The following ESRRG variants were observed in gnomAD, a reference collection of about 807,000 sequenced individuals.
The protein encoded by ESRRG is estrogen related receptor gamma.
ESRRG carries 13 observed loss-of-function variants against 44.0 expected under a neutral mutation model. That is an observed-to-expected ratio of 0.30 (90% CI 0.19 to 0.47). The LOEUF (loss-of-function observed/expected upper bound fraction) is 0.47. Among genes scored for constraint, ESRRG ranks in the 20% least tolerant of loss-of-function variants. The pLI is 1.00. For missense variants in ESRRG, 395 were observed against 580.6 expected (o/e 0.68, Z 3.29); for synonymous variants, 215 against 214.6 (o/e 1.00, Z -0.02).
chr1:217,088,885 G>A (rs1056953549), intron 1 of ESRRG, among the ~76,000 whole-genome samples: 1 of 152,060 alleles, frequency 6.6e-6, no homozygotes, highest in Non-Finnish European at 1.5e-5. Flanking sequence ...GGTAGAAGGA[G>A]GTAGATGGTT....
rs1232707312 is a variant in ESRRG, at chr1:216,835,356, G to A, written c.-14+104226C>T. Among the ~76,000 whole-genome samples, 6 of 152,196 alleles carry A rather than the reference G, an allele frequency of 3.9e-5. No individual in the cohort carries two copies. The East Asian group carries it at 1.2e-3, about 29-fold the overall frequency. On this transcript the variant is annotated intron_variant, in intron 2 of 7. Coordinates refer to the ESRRG transcript ENST00000359162. Reference sequence around the variant, plus strand: ...GGAGTGACGTACGGAAATCGGAAGTGAGGTACAGAAACATCTGGACTGGTT... The same window carrying A: ...GGAGTGACGTACGGAAATCGGAAGTAAGGTACAGAAACATCTGGACTGGTT...
intron 1 of ESRRG, among the ~76,000 whole-genome samples, chr1:216,972,182 A>C (rs1455949874): frequency 6.6e-6 from 1 of 152,156 alleles, no homozygotes; most frequent in East Asian, 1.9e-4. Context: ...GATATGCTAA[A>C]ATTATGCCGG....
intron 5 of ESRRG, among the ~76,000 whole-genome samples, chr1:216,553,367 T>C (rs894696404): frequency 1.3e-5 from 2 of 152,180 alleles, no homozygotes; most frequent in Non-Finnish European, 2.9e-5. Context: ...TGGTATTTAA[T>C]TGGGCTCAGA....
chr1:217,102,937 T>C (rs924504516), intron 1 of ESRRG, among the ~76,000 whole-genome samples: 8 of 151,804 alleles, frequency 5.3e-5, no homozygotes, highest in Non-Finnish European at 1.0e-4. Flanking sequence ...AGGCAGCTGA[T>C]GGGGGAGAGA....
rs530341898 is a variant in ESRRG, at chr1:216,973,771, A to T, written c.-105-34098T>A. The stretch of plus-strand genomic sequence containing the variant: ...AACCTGGGAGGCAGAGGTTGCGGTG[A>T]GCTGAGATAGTGCCATTGCACTCCA... On this transcript the variant is annotated intron_variant, in intron 1 of 7. Coordinates refer to the ESRRG transcript ENST00000359162. Among the ~76,000 whole-genome samples, 93 of 150,976 alleles carry T rather than the reference A, an allele frequency of 6.2e-4. No individual in the cohort carries two copies. In the Middle Eastern group the frequency reaches 0.017, roughly 28 times the overall value.
intron 1 of ESRRG, among the ~76,000 whole-genome samples, chr1:216,997,474 C>T (rs561338328): frequency 3.3e-5 from 5 of 152,146 alleles, no homozygotes; most frequent in Admixed American, 3.3e-4. Context: ...ATGAGGGAGG[C>T]CTTTAAGGTA....
At chr1:216,984,219 G>A (rs766319762) in intron 1 of ESRRG, among the ~76,000 whole-genome samples, 17 of 152,198 alleles carry the variant, frequency 1.1e-4, no homozygotes, top group Admixed American at 4.6e-4. Context: ...ATACTCTTCC[G>A]TATATTTTTT....
intron 1 of ESRRG, among the ~76,000 whole-genome samples, chr1:217,095,870 C>A (rs2092415862): frequency 1.3e-5 from 2 of 152,074 alleles, no homozygotes; most frequent in South Asian, 4.1e-4. Flanking sequence ...CCAGCCTGGG[C>A]AACATTGCAA....
chr1:217,043,644 G>C (rs941046972), intron 1 of ESRRG, among the ~76,000 whole-genome samples: 1 of 18,672 alleles, frequency 5.4e-5, no homozygotes. Flanking sequence ...AAGAGGCAAA[G>C]AATAATGGGG....
At chr1:216,668,069 C>A (rs1175485077) in intron 2 of ESRRG, among the ~76,000 whole-genome samples, 1 of 151,940 alleles carries the variant, frequency 6.6e-6, no homozygotes, top group African/African-American at 2.4e-5. Context: ...TGCACTCCAG[C>A]CTGGGTGACA....
intron 1 of ESRRG, among the ~76,000 whole-genome samples, chr1:217,133,439 C>A (rs985856460): frequency 2.0e-5 from 3 of 152,272 alleles, no homozygotes; most frequent in African/African-American, 7.2e-5. Context: ...CCTTCTCCAA[C>A]TTTGGCCAAT....
At chr1:216,855,358 T>G (rs541955328) in intron 2 of ESRRG, among the ~76,000 whole-genome samples, 2 of 152,242 alleles carry the variant, frequency 1.3e-5, no homozygotes, top group African/African-American at 4.8e-5. Context: ...CTTGAATGCT[T>G]CTTTGGTGCC....
chr1:216,702,229 C>A (rs1442286191), intron 1 of ESRRG, among the ~76,000 whole-genome samples: 1 of 151,934 alleles, frequency 6.6e-6, no homozygotes. Flanking sequence ...TTGATGAAAA[C>A]GCTGATCAAA....
intron 1 of ESRRG, among the ~76,000 whole-genome samples, chr1:217,029,107 T>C (rs906821364): frequency 6.6e-6 from 1 of 152,140 alleles, no homozygotes; most frequent in Non-Finnish European, 1.5e-5. Context: ...TTTGGCATCT[T>C]ATAAGACTTT....
intron 2 of ESRRG, among the ~76,000 whole-genome samples, chr1:216,938,167 G>A (rs1309597936): frequency 6.6e-6 from 1 of 152,132 alleles, no homozygotes; most frequent in African/African-American, 2.4e-5. Flanking sequence ...CTCTGAGAGA[G>A]TTGGTTATTT....
chr1:216,910,781 G>A (rs1255412481), intron 2 of ESRRG, among the ~76,000 whole-genome samples: 2 of 152,068 alleles, frequency 1.3e-5, no homozygotes, highest in African/African-American at 4.8e-5. Context: ...CTCCTTAATA[G>A]GATTTTTACT....
At chr1:216,929,799 C>T (rs1443635897) in intron 2 of ESRRG, among the ~76,000 whole-genome samples, 1 of 152,116 alleles carries the variant, frequency 6.6e-6, no homozygotes, top group Non-Finnish European at 1.5e-5. Flanking sequence ...GACCAGACCC[C>T]CCAGGTCTCT....
At chr1:216,949,767 A>T (rs1004751348) in intron 1 of ESRRG, among the ~76,000 whole-genome samples, 1 of 151,726 alleles carries the variant, frequency 6.6e-6, no homozygotes, top group African/African-American at 2.4e-5. Context: ...TCATTTGATT[A>T]TTCTCTTTTA....
intron 6 of ESRRG, among the ~76,000 whole-genome samples, chr1:216,515,787 G>C (rs1182417879): frequency 3.3e-5 from 5 of 152,024 alleles, no homozygotes; most frequent in Non-Finnish European, 7.4e-5. Flanking sequence ...TATGACTCGA[G>C]CAACAGAGAA....
Sources: allele counts gnomAD v4.1 joint callset (sites outside exome capture counted in the v4.1 genomes callset), GRCh38; gene constraint gnomAD v4.1.1; transcripts MANE v1.5; gene names NCBI Gene and HGNC (gene_info 2026-07-23, HGNC 2026-07-21).